FRMPD4: variants seen among roughly 807,000 people sequenced by gnomAD.
FRMPD4 encodes FERM and PDZ domain containing 4, also known as FERM and PDZ domain-containing protein 4.
FRMPD4 carries 22 observed loss-of-function variants against 94.1 expected under a neutral mutation model. The observed-to-expected ratio is 0.23, with a 90% CI of 0.17 to 0.33. FRMPD4 has a LOEUF of 0.33. Ranked by LOEUF, FRMPD4 falls within the 10% of genes least tolerant of loss-of-function variation. FRMPD4 has a pLI of 1.00. For synonymous variants in FRMPD4, 631 were observed against 548.6 expected (o/e 1.15, Z -2.10); for missense variants, 1,111 against 1,339.9 (o/e 0.83, Z 2.67).
At chrX:12,541,312 G>C (rs1332701584) in intron 2 of FRMPD4, among the ~76,000 whole-genome samples, 1 of 110,969 alleles carries the variant, frequency 9.0e-6, no homozygotes, top group African/African-American at 3.3e-5. Context: ...CTGGTTTTTT[G>C]AAAAGATCAA....
intron 8 of FRMPD4, among the ~76,000 whole-genome samples, chrX:12,692,798 C>A (rs1188149398): frequency 8.9e-6 from 1 of 112,397 alleles, no homozygotes; most frequent in African/African-American, 3.2e-5. Flanking sequence ...TATAGTGATT[C>A]CTGACTTTCT....
At chrX:11,854,895 G>A (rs983019081) in intron 1 of FRMPD4, among the ~76,000 whole-genome samples, 1 of 111,897 alleles carries the variant, frequency 8.9e-6, no homozygotes. Flanking sequence ...GCTCCACCAG[G>A]CAATGCCCCA....
upstream of FRMPD4, among the ~76,000 whole-genome samples, chrX:12,137,217 T>C (rs187231428): frequency 8.9e-6 from 1 of 112,455 alleles, no homozygotes; most frequent in Admixed American, 9.4e-5. Context: ...CTGATAACTA[T>C]GTATTCAAAA....
intron 1 of FRMPD4, among the ~76,000 whole-genome samples, chrX:12,463,760 G>A (rs1172447164): frequency 1.0e-5 from 1 of 97,445 alleles, no homozygotes; most frequent in Non-Finnish European, 2.0e-5. Flanking sequence ...TTTAGGAGAT[G>A]ATTCCAGGAA....
At chrX:11,838,115 G>A (rs1229640534) in intron 1 of FRMPD4, among the ~76,000 whole-genome samples, 1 of 111,216 alleles carries the variant, frequency 9.0e-6, no homozygotes, top group Admixed American at 9.5e-5. Context: ...TACCACAAGT[G>A]TTCTTTTCTA....
intron 2 of FRMPD4, among the ~76,000 whole-genome samples, chrX:12,537,092 A>T (rs2058346927): frequency 9.0e-6 from 1 of 111,723 alleles, no homozygotes; most frequent in South Asian, 3.8e-4. Flanking sequence ...TTTTAATAAA[A>T]ATATGTTTAG....
At chrX:12,117,790 T>C (rs2055421802) in intron 3 of FRMPD4, among the ~76,000 whole-genome samples, 1 of 112,094 alleles carries the variant, frequency 8.9e-6, no homozygotes, top group Non-Finnish European at 1.9e-5. Flanking sequence ...CTTGTACTAC[T>C]GACTTCTCTT....
chrX:11,866,187 C>G (rs1334569210), intron 2 of FRMPD4, among the ~76,000 whole-genome samples: 1 of 111,767 alleles, frequency 8.9e-6, no homozygotes, highest in Non-Finnish European at 1.9e-5. Context: ...GCTATCCTCT[C>G]TCTTCTGATT....
At chrX:12,196,629 T>TTA (rs750235241) in intron 1 of FRMPD4, among the ~76,000 whole-genome samples, 35 of 107,695 alleles carry the variant, frequency 3.2e-4, no homozygotes, top group Admixed American at 3.0e-3. Context: ...AAAAGAAAGT[T>TTA]TATATATATA....
At chrX:12,084,384 C>T (rs1031280192) in intron 3 of FRMPD4, among the ~76,000 whole-genome samples, 3 of 110,952 alleles carry the variant, frequency 2.7e-5, no homozygotes, top group Non-Finnish European at 3.8e-5. Context: ...ACTGTAAGTC[C>T]GATTAAACCT....
At chrX:11,857,502 C>A (rs990163783) in intron 1 of FRMPD4, among the ~76,000 whole-genome samples, 2 of 112,466 alleles carry the variant, frequency 1.8e-5, no homozygotes, top group Non-Finnish European at 3.8e-5. Flanking sequence ...TACCTAGCCG[C>A]GTGCAGAAGA....
chrX:12,135,413 A>G (rs1369980205), upstream of FRMPD4, among the ~76,000 whole-genome samples: 1 of 109,589 alleles, frequency 9.1e-6, no homozygotes, highest in African/African-American at 3.3e-5. Flanking sequence ...CTGTGTTAGC[A>G]TGTTTCAAGG....
At chrX:11,845,406 G>C (rs1364416990) in intron 1 of FRMPD4, among the ~76,000 whole-genome samples, 8 of 111,131 alleles carry the variant, frequency 7.2e-5, no homozygotes, top group African/African-American at 2.6e-4. Context: ...CAACCAAAAA[G>C]AGTCCAGGAC....
intron 3 of FRMPD4, among the ~76,000 whole-genome samples, chrX:11,944,062 C>T (rs372811257): frequency 4.4e-5 from 5 of 112,414 alleles, no homozygotes; most frequent in African/African-American, 1.6e-4. Flanking sequence ...ATAGATGATA[C>T]GGAAATGAAT....
chrX:12,397,085 T>G (rs931011545), intron 1 of FRMPD4, among the ~76,000 whole-genome samples: 2 of 110,434 alleles, frequency 1.8e-5, no homozygotes, highest in Non-Finnish European at 1.9e-5. Context: ...TCTGAACCCC[T>G]TGGTTTTGAG....
intron 1 of FRMPD4, among the ~76,000 whole-genome samples, chrX:12,422,950 C>T (rs995061694): frequency 6.3e-5 from 7 of 110,848 alleles, no homozygotes; most frequent in East Asian, 2.8e-4. Flanking sequence ...GGCAGTAGAC[C>T]GCATATGTCA....
At chrX:12,158,962 C>T (rs1311942962) in intron 1 of FRMPD4, among the ~76,000 whole-genome samples, 1 of 112,243 alleles carries the variant, frequency 8.9e-6, no homozygotes, top group African/African-American at 3.2e-5. Flanking sequence ...ATAGGAAGTA[C>T]ACGCCTTCTT....
At chrX:12,031,387 C>G (rs2054690725) in intron 3 of FRMPD4, among the ~76,000 whole-genome samples, 1 of 112,262 alleles carries the variant, frequency 8.9e-6, no homozygotes. Context: ...AACAAAAGCT[C>G]AAAACATTAG....
intron 1 of FRMPD4, among the ~76,000 whole-genome samples, chrX:12,241,207 C>T (rs184746350): frequency 3.6e-5 from 4 of 112,173 alleles, no homozygotes; most frequent in Admixed American, 9.4e-5. Context: ...TGACTCATTA[C>T]ATTCCAAAGA....
Sources: allele counts gnomAD v4.1 joint callset (sites outside exome capture counted in the v4.1 genomes callset), GRCh38; gene constraint gnomAD v4.1.1; transcripts MANE v1.5; gene names NCBI Gene and HGNC (gene_info 2026-07-23, HGNC 2026-07-21).